The following KLHL29 variants were observed in gnomAD, a reference collection of about 807,000 sequenced individuals.
The protein encoded by KLHL29 is kelch like family member 29.
Under a neutral mutation model 80.4 loss-of-function variants are expected in KLHL29, and 21 were observed. The ratio of observed to expected loss-of-function variants is 0.26; its 90% confidence interval spans 0.19 to 0.38. The LOEUF is 0.38. Ranked by LOEUF, KLHL29 falls within the 10% of genes least tolerant of loss-of-function variation. KLHL29 has a pLI of 1.00. For synonymous variants in KLHL29, 511 were observed against 526.8 expected, an observed-to-expected ratio of 0.97 and a Z score of 0.41; for missense variants, 867 against 1,223.9, an observed-to-expected ratio of 0.71 and a Z score of 4.35.
intron 3 of KLHL29, among the ~76,000 whole-genome samples, chr2:23,574,283 A>C (rs1203556667): frequency 5.3e-5 from 8 of 152,016 alleles, no homozygotes; most frequent in Admixed American, 5.2e-4. Context: ...GGCTGCTAGG[A>C]GTGATGAAAA....
At chr2:23,606,980 A>C (rs111522026) in intron 3 of KLHL29, among the ~76,000 whole-genome samples, 1 of 152,186 alleles carries the variant, frequency 6.6e-6, no homozygotes, top group Admixed American at 6.5e-5. Flanking sequence ...CATGGACAGC[A>C]CCTTCTAACT....
intron 2 of KLHL29, among the ~76,000 whole-genome samples, chr2:23,480,360 G>C (rs934028309): frequency 6.6e-6 from 1 of 152,132 alleles, no homozygotes; most frequent in African/African-American, 2.4e-5. Flanking sequence ...GGTGACACAC[G>C]CCTATAGTCC....
chr2:23,426,178 G>A (rs1268835811), intron 1 of KLHL29, among the ~76,000 whole-genome samples: 3 of 152,130 alleles, frequency 2.0e-5, no homozygotes, highest in Non-Finnish European at 4.4e-5. Flanking sequence ...TAGGGCAGAG[G>A]GTTAACTTAC....
chr2:23,507,678 G>A (rs1396149458), intron 2 of KLHL29, among the ~76,000 whole-genome samples: 1 of 152,214 alleles, frequency 6.6e-6, no homozygotes, highest in African/African-American at 2.4e-5. Context: ...TCTGGGAGCA[G>A]TTTGGAGGGA....
chr2:23,537,030 G>A (rs980082518), intron 2 of KLHL29, among the ~76,000 whole-genome samples: 2 of 151,916 alleles, frequency 1.3e-5, no homozygotes, highest in Non-Finnish European at 2.9e-5. Flanking sequence ...TGTCCGTTAC[G>A]TCCCTGTTCT....
intron 2 of KLHL29, among the ~76,000 whole-genome samples, chr2:23,536,918 A>ACACACACACTCTCTCTCT (rs143009876): frequency 6.4e-5 from 9 of 140,650 alleles, no homozygotes; most frequent in African/African-American, 2.4e-4. Flanking sequence ...ACACACACAC[A>ACACACACACTCTCTCTCT]CTCTCTCTCT....
intron 3 of KLHL29, among the ~76,000 whole-genome samples, chr2:23,581,573 C>A (rs566258164): frequency 6.6e-6 from 1 of 152,224 alleles, no homozygotes; most frequent in East Asian, 1.9e-4. Flanking sequence ...CGCCTATAAT[C>A]CCAGCACTTT....
intron 3 of KLHL29, among the ~76,000 whole-genome samples, chr2:23,585,754 G>A (rs146949551): frequency 2.0e-5 from 3 of 152,236 alleles, no homozygotes; most frequent in East Asian, 1.9e-4. Flanking sequence ...GGGCGGTGTC[G>A]GAGGCTCCAA....
chr2:23,583,451 A>G (rs551865656), intron 3 of KLHL29, among the ~76,000 whole-genome samples: 3 of 152,240 alleles, frequency 2.0e-5, no homozygotes, highest in Non-Finnish European at 2.9e-5. Flanking sequence ...ATGTTTCTAC[A>G]AGCTTCCTAA....
At chr2:23,626,691 G>A (rs962139806) in intron 3 of KLHL29, among the ~76,000 whole-genome samples, 5 of 152,192 alleles carry the variant, frequency 3.3e-5, no homozygotes, top group South Asian at 2.1e-4. Context: ...TCCTTGTAGC[G>A]GCCCATCCTA....
intron 5 of KLHL29, 63 bp downstream of exon 5, chr2:23,642,913 G>C: frequency 6.5e-7 from 1 of 1,529,926 alleles, no homozygotes; most frequent in Non-Finnish European, 8.9e-7. Context: ...CGCGGTCACT[G>C]CAACACCACC....
intron 2 of KLHL29, among the ~76,000 whole-genome samples, chr2:23,552,352 T>A (rs927756786): frequency 6.6e-6 from 1 of 152,184 alleles, no homozygotes; most frequent in African/African-American, 2.4e-5. Context: ...CCCAAACACA[T>A]CAAGTTGTAC....
chr2:23,479,903 A>G (rs1664740522), intron 2 of KLHL29, among the ~76,000 whole-genome samples: 1 of 152,144 alleles, frequency 6.6e-6, no homozygotes, highest in Non-Finnish European at 1.5e-5. Context: ...TTGGGATTAG[A>G]TTATTTTATT....
At chr2:23,639,387 C>A in intron 4 of KLHL29, 107 bp downstream of exon 4, 2 of 1,077,736 alleles carry the variant, frequency 1.9e-6, no homozygotes, top group Non-Finnish European at 2.6e-6. Context: ...GAACCCAGGG[C>A]CTGCAGAAGC....
At chr2:23,471,300 G>A (rs1379016472) in intron 1 of KLHL29, among the ~76,000 whole-genome samples, 3 of 152,094 alleles carry the variant, frequency 2.0e-5, no homozygotes, top group Non-Finnish European at 4.4e-5. Flanking sequence ...CCTCTCTTAA[G>A]GCAGTTTCTC....
At chr2:23,705,732 A>T (rs1672676477) in intron 13 of KLHL29, among the ~76,000 whole-genome samples, 1 of 152,198 alleles carries the variant, frequency 6.6e-6, no homozygotes, top group Non-Finnish European at 1.5e-5. Context: ...AATGTCAGGG[A>T]ATAGCCAGGA....
chr2:23,594,501 TAAACACATTAA>T (rs1414541670), intron 3 of KLHL29, among the ~76,000 whole-genome samples: 1 of 152,178 alleles, frequency 6.6e-6, no homozygotes, highest in Non-Finnish European at 1.5e-5. Flanking sequence ...CGTGTTTCTG[TAAACACATTAA>T]AAATGGCCTT....
intron 2 of KLHL29, among the ~76,000 whole-genome samples, chr2:23,553,663 G>A (rs965697403): frequency 5.9e-5 from 9 of 152,154 alleles, no homozygotes; most frequent in Non-Finnish European, 1.0e-4. Flanking sequence ...AAATGCAGAC[G>A]GACCTTGATG....
rs375025244 is a variant in KLHL29, at chr2:23,455,004, G to GT, written c.-153-20556_-153-20555insT. Among the ~76,000 whole-genome samples the GT allele has an allele frequency of 8.7e-5, 12 of 137,978 alleles. No homozygotes were observed. The South Asian group carries it at 1.4e-3, about 16-fold the overall frequency. The allele number at this position is 137,978 out of a possible 152,430, so 90.5% of individuals were successfully genotyped here. ...CGTAGAAACAGGAACAGTGGGTTGG[G>GT]GGGGGGGCATTTATTTCTCTCGCAT... On this transcript the variant is annotated intron_variant, in intron 1 of 13. Coordinates refer to ENST00000486442, the MANE Select transcript of KLHL29 (RefSeq NM_052920.2).
Sources: allele counts gnomAD v4.1 joint callset (sites outside exome capture counted in the v4.1 genomes callset), GRCh38; gene constraint gnomAD v4.1.1; transcripts MANE v1.5; gene names NCBI Gene and HGNC (gene_info 2026-07-23, HGNC 2026-07-21).